The following SAE1 variants were observed in gnomAD, a reference collection of about 807,000 sequenced individuals.
SAE1 encodes SUMO-activating enzyme subunit 1.
Under a neutral mutation model 40.6 loss-of-function variants are expected in SAE1, and 11 were observed. The observed-to-expected ratio is 0.27, with a 90% confidence interval of 0.17 to 0.45. SAE1 has a LOEUF of 0.45. SAE1 is among the 20% of genes least tolerant of loss of function. SAE1 has a pLI of 1.00. For missense variants in SAE1, 373 were observed against 427.3 expected, an observed-to-expected ratio of 0.87 and a Z score of 1.12; for synonymous variants, 155 against 154.3, an observed-to-expected ratio of 1.00 and a Z score of -0.03.
At chr19:47,161,676 A>G (rs897535848) in intron 5 of SAE1, among the ~76,000 whole-genome samples, 1 of 152,154 alleles carries the variant, frequency 6.6e-6, no homozygotes, top group African/African-American at 2.4e-5. Flanking sequence ...CCTACCACTC[A>G]ATTTGAAGCA....
chr19:47,161,200 G>C (rs1035833926), intron 5 of SAE1, among the ~76,000 whole-genome samples: 16 of 130,888 alleles, frequency 1.2e-4, no homozygotes, highest in African/African-American at 4.3e-4. Context: ...TTTTTTTTGA[G>C]ATCTCTTGCT....
chr19:47,163,387 T>A (rs1458024335), intron 5 of SAE1, among the ~76,000 whole-genome samples: 1 of 152,230 alleles, frequency 6.6e-6, no homozygotes, highest in Non-Finnish European at 1.5e-5. Context: ...AACAACTGTT[T>A]ACATAGCAAT....
At chr19:47,201,124 C>T (rs560681976) in intron 7 of SAE1, among the ~76,000 whole-genome samples, 4 of 152,070 alleles carry the variant, frequency 2.6e-5, no homozygotes, top group Admixed American at 2.6e-4. Context: ...TCACTGCAAC[C>T]TCCGCCTCTG....
At chr19:47,191,500 G>A (rs192373131) in intron 6 of SAE1, among the ~76,000 whole-genome samples, 1 of 152,322 alleles carries the variant, frequency 6.6e-6, no homozygotes, top group East Asian at 1.9e-4. Context: ...TGCCTGAGCA[G>A]ATGGAGGCAA....
At chr19:47,203,546 T>C (rs2058667187) in intron 7 of SAE1, 125 bp from the exon 8 acceptor site, 2 of 757,032 alleles carry the variant, frequency 2.6e-6, no homozygotes, top group Non-Finnish European at 4.6e-6. Context: ...AACACTGCTA[T>C]CTGAATCGGG....
Position 47,177,554 on chromosome 19 carries a change from G to T in SAE1, c.733+7631G>T, listed in dbSNP as rs576333313. 6.4e-4 allele frequency among the ~76,000 whole-genome samples: 97 copies of T among 152,254 alleles called. 1 individual carries two copies. The South Asian group carries it at 0.02, about 31-fold the overall frequency. On this transcript the variant is annotated intron_variant, in intron 6 of 8. Coordinates refer to ENST00000270225, the MANE Select transcript of SAE1 (RefSeq NM_005500.3). ...AAAAAATCTGTTTGTACAGATTGGG[G>T]CAGGGAGGTCTTGCTATGTTGCCCA...
At chr19:47,182,492 T>TGTGTGCGC (rs1555794362) in intron 6 of SAE1, among the ~76,000 whole-genome samples, 6 of 140,398 alleles carry the variant, frequency 4.3e-5, no homozygotes, top group Non-Finnish European at 7.5e-5. Flanking sequence ...TGTGTGTGTG[T>TGTGTGCGC]GTGTGCGCGC....
chr19:47,157,460 G>A (rs964672993), intron 5 of SAE1, among the ~76,000 whole-genome samples: 1 of 152,186 alleles, frequency 6.6e-6, no homozygotes, highest in Non-Finnish European at 1.5e-5. Context: ...GGGTTTTATG[G>A]CTTAAGGGCC....
At chr19:47,156,925 T>C (rs1360162878) in intron 5 of SAE1, among the ~76,000 whole-genome samples, 1 of 152,142 alleles carries the variant, frequency 6.6e-6, no homozygotes, top group Non-Finnish European at 1.5e-5. Context: ...GGGGCCAGAA[T>C]TGGTTTCATT....
rs2058473571 is a variant in SAE1 at position 47,177,050 on chromosome 19, A to T, written c.733+7127A>T. Among the ~76,000 whole-genome samples the T allele has an allele frequency of 2.0e-5, 3 of 152,372 alleles. No homozygotes were observed. In the South Asian group the frequency reaches 6.2e-4, roughly 32 times the overall value. ...CCTAGAGCAGGAAGAAATGGACTTC[A>T]TCTCAAGATGAGAATACTTATCAGA... On this transcript the variant is annotated intron_variant, in intron 6 of 8. Transcript: ENST00000270225.
chr19:47,147,036 A>G (rs1024298793), intron 2 of SAE1, among the ~76,000 whole-genome samples: 11 of 152,094 alleles, frequency 7.2e-5, no homozygotes, highest in African/African-American at 2.7e-4. Flanking sequence ...TTATGGAGCT[A>G]TACAGAGTGG....
chr19:47,163,765 C>T (rs988560201), intron 5 of SAE1, among the ~76,000 whole-genome samples: 1 of 152,040 alleles, frequency 6.6e-6, no homozygotes, highest in Non-Finnish European at 1.5e-5. Context: ...GGAGGATGCA[C>T]GTAGAGTATA....
chr19:47,181,443 G>GTTTTTGTT (rs2058505349), intron 6 of SAE1, among the ~76,000 whole-genome samples: 1 of 146,654 alleles, frequency 6.8e-6, no homozygotes, highest in Non-Finnish European at 1.5e-5. Context: ...TAAGAGAATG[G>GTTTTTGTT]TTTTTGTTTT....
chr19:47,151,323 G>T (rs2058286481), intron 3 of SAE1, among the ~76,000 whole-genome samples: 1 of 151,808 alleles, frequency 6.6e-6, no homozygotes, highest in Non-Finnish European at 1.5e-5. Flanking sequence ...CTAATTTTTT[G>T]TATTTTTAGT....
intron 6 of SAE1, among the ~76,000 whole-genome samples, chr19:47,185,555 C>T: frequency 6.6e-6 from 1 of 152,214 alleles, no homozygotes; most frequent in East Asian, 1.9e-4. Flanking sequence ...ATCCTCCCAC[C>T]TCTGTCTACC....
intron 7 of SAE1, 42 bp downstream of exon 7, chr19:47,197,419 A>G (rs958480220): frequency 6.4e-7 from 1 of 1,553,090 alleles, no homozygotes. Context: ...GGACAGATAA[A>G]GTTTGTTTTC....
At chr19:47,205,474 C>G (rs1457353120) in intron 8 of SAE1, among the ~76,000 whole-genome samples, 1 of 152,054 alleles carries the variant, frequency 6.6e-6, no homozygotes, top group East Asian at 1.9e-4. Flanking sequence ...TTTCCTTGCT[C>G]ACATTTTATA....
intron 6 of SAE1, among the ~76,000 whole-genome samples, chr19:47,184,783 T>C (rs1230603816): frequency 6.7e-6 from 1 of 148,374 alleles, no homozygotes; most frequent in Non-Finnish European, 1.5e-5. Flanking sequence ...TGGGGTTTTT[T>C]TTGTTTTTGT....
chr19:47,173,591 C>G (rs1001569134), intron 6 of SAE1, among the ~76,000 whole-genome samples: 8 of 152,078 alleles, frequency 5.3e-5, no homozygotes, highest in African/African-American at 1.9e-4. Flanking sequence ...AACACTGTCA[C>G]GGGGGACTGT....
Sources: gnomAD v4.1 joint callset for allele counts (sites outside exome capture counted in the v4.1 genomes callset) on GRCh38, gnomAD v4.1.1 for gene constraint, MANE v1.5 for transcripts, NCBI Gene and HGNC (gene_info 2026-07-23, HGNC 2026-07-21) for gene names.